The following LRP4 variants were observed in gnomAD, a reference collection of about 807,000 sequenced individuals.
LRP4 encodes the protein low-density lipoprotein receptor-related protein 4.
A neutral mutation model predicts 220.3 loss-of-function variants in LRP4; 95 were observed. The observed-to-expected ratio is 0.43, with a 90% CI of 0.37 to 0.51. The LOEUF (loss-of-function observed/expected upper bound fraction) is 0.51. Ranked by LOEUF, LRP4 falls within the 20% of genes least tolerant of loss-of-function variation. The pLI is 0.00. For missense variants in LRP4, 1,925 were observed against 2,567.0 expected (o/e 0.75, Z 5.40); for synonymous variants, 903 against 954.6 (o/e 0.95, Z 1.00).
At position 46,886,313 on chromosome 11, in the gene LRP4, G is replaced by A. The variant is rs765593279; in HGVS notation, c.2424+12C>T. 1.8e-5 allele frequency: 28 copies of A among 1,585,734 alleles called. No homozygotes were observed. In the East Asian group the frequency reaches 3.4e-4, roughly 20 times the overall value. On this transcript the variant is annotated intron_variant, in intron 17 of 37. Coordinates refer to ENST00000378623, the MANE Select transcript of LRP4 (RefSeq NM_002334.4). ...GGATTCCACCCTTCAACCTCCCCAC[G>A]CTGGGCCCTACCTCCTGTCCTGTTC...
In LRP4 at chr11:46,875,071, A is replaced by G; in HGVS notation, c.3958T>C (p.Cys1320Arg). 6.2e-7 allele frequency: 1 copy of G among 1,612,776 alleles called. No individual in the cohort carries two copies. The highest frequency in any genetic ancestry group is 8.5e-7 in the Non-Finnish European group (1 of 1,179,956). ...GGCCGAGGCAAGCAGAGGTGGGAGCAGCCGCCATTTCTCGAGCCGCACTTG... is the reference window on the plus strand; with the variant it reads ...GGCCGAGGCAAGCAGAGGTGGGAGCGGCCGCCATTTCTCGAGCCGCACTTG... ...FNKCGSRNGG[C>R]SHLCLPRPSG... Residue 1320 changes from cysteine to arginine, a missense_variant, in exon 28 of 38, where the codon TGC (cysteine) becomes CGC (arginine). Physicochemically the swap from Cys to Arg is radical, Grantham distance 180. Around this residue, in one of 3 missense-constraint regions of LRP4, gnomAD observed 1,244 missense variants for 1,624.9 expected, o/e 0.77. Transcript: ENST00000378623. This position sits in a 1 kb window ranked among gnomAD's most constrained non-coding sequence, Gnocchi z 4.5.
At position 46,879,056 on chromosome 11, in the gene LRP4, G is replaced by A. The variant is rs1206629784; in HGVS notation, c.3005-18C>T. 40 of 1,614,180 alleles carry A rather than the reference G, an allele frequency of 2.5e-5. No individual in the cohort carries two copies. The highest frequency in any genetic ancestry group is 3.4e-5 in the Non-Finnish European group (40 of 1,180,014). ...TGTAGACACTGGGTAGAGAGGAGGG[G>A]ATGTTCAATGGGGAGAGCTAGGGCA... On this transcript the variant is annotated intron_variant, in intron 21 of 37. Transcript: ENST00000378623.
chr11:46,898,524 T>C, intron 7 of LRP4, 34 bp downstream of exon 7: 1 of 1,613,522 alleles, frequency 6.2e-7, no homozygotes, highest in Non-Finnish European at 8.5e-7. Flanking sequence ...TTCTCCTTAG[T>C]TCAAGCCCAA....
intron 37 of LRP4, chr11:46,861,047 G>T: frequency 3.0e-6 from 2 of 673,922 alleles, no homozygotes; most frequent in Non-Finnish European, 3.7e-6. Flanking sequence ...TTGCTATCCT[G>T]TGGCCTTCAT....
chr11:46,879,472 C>A (rs1941099154), intron 20 of LRP4, among the ~76,000 whole-genome samples, 157 bp from the exon 21 acceptor site: 1 of 152,220 alleles, frequency 6.6e-6, no homozygotes, highest in Non-Finnish European at 1.5e-5. Context: ...GAGCCTTGCT[C>A]TATCAATCTG....
At position 46,900,107 on chromosome 11, in the gene LRP4, C is replaced by T. The variant is rs796174262; in HGVS notation, c.317-131G>A. ...AGGGCTCCGAAGGAGGTGGCTGCCT[C>T]TCAGCAGCTTATCTGACTTCGAGAG... On this transcript the variant is annotated intron_variant, in intron 3 of 37. Coordinates refer to ENST00000378623, the MANE Select transcript of LRP4 (RefSeq NM_002334.4). 50 of 964,218 alleles carry T rather than the reference C, an allele frequency of 5.2e-5. No individual in the cohort carries two copies. The African/African-American group carries it at 6.9e-4, about 13-fold the overall frequency. The allele number at this position is 964,218 out of a possible 1,614,324, so 59.7% of individuals were successfully genotyped here.
rs1228779891 is a variant in LRP4 at position 46,896,294 on chromosome 11, C to T, written c.964G>A (p.Gly322Arg). The T allele has an allele frequency of 1.2e-6, 2 of 1,614,178 alleles. No individual in the cohort carries two copies. The highest frequency in any genetic ancestry group is 3.3e-5 in the Admixed American group (2 of 60,038). Residue 322 changes from glycine to arginine, a missense_variant, in exon 9 of 38, where the codon GGG becomes AGG. Gly to Arg is a moderately radical substitution (Grantham distance 125). Coordinates refer to ENST00000378623, the MANE Select transcript of LRP4 (RefSeq NM_002334.4). ...CALDQFLCWN[G>R]RCIGQRKLCN... ...AGCTTCCTCTGCCCAATGCAGCGCC[C>T]ATTCCAACACAGGAACTGGTCCAAG...
At position 46,868,614 on chromosome 11, in the gene LRP4, C is replaced by A. The variant is rs3816614; in HGVS notation, c.4937G>T (p.Arg1646Leu). The A allele has an allele frequency of 6.8e-6, 11 of 1,613,434 alleles. No individual in the cohort carries two copies. In the Admixed American group the frequency reaches 1.2e-4, roughly 17 times the overall value. The change falls in exon 33 of 38, where the codon CGG (arginine) becomes CTG (leucine). Residue 1646 changes from arginine (R) to leucine (L), a missense_variant. Physicochemically the swap from Arg to Leu is moderately radical, Grantham distance 102. Around this residue, in one of 3 missense-constraint regions of LRP4, gnomAD observed 1,244 missense variants for 1,624.9 expected, o/e 0.77. Coordinates refer to ENST00000378623, the MANE Select transcript of LRP4 (RefSeq NM_002334.4). The stretch of plus-strand genomic sequence containing the variant: ...GTCCAACTCACCAAGGGAGCAGGGC[C>A]GGCTATCAGGTTCGTCAGGACAGGC... ...VCACPDEPDS[R>L]PCSLVPGLVP... is the part of the protein sequence containing the mutation.
Position 46,894,760 on chromosome 11 carries a change from G to T in LRP4, c.1369C>A (p.Arg457Ser). The change falls in exon 12 of 38, where the codon CGC (arginine) becomes AGC (serine). Residue 457 changes from arginine to serine, a missense_variant. Around this residue, in one of 3 missense-constraint regions of LRP4, gnomAD observed 269 missense variants for 436.7 expected, o/e 0.62. Transcript: ENST00000378623. Reference sequence around the variant, plus strand: ...TTAAGCAGCAGTGTGTACTCAGAGCGGTGTGGCAGCACCTGCCGGATGTCG... The same window carrying T: ...TTAAGCAGCAGTGTGTACTCAGAGCTGTGTGGCAGCACCTGCCGGATGTCG... ...RIDIRQVLPHRSEYTLLLNNL... is the reference protein window; with the variant it reads ...RIDIRQVLPHSSEYTLLLNNL... The T allele has an allele frequency of 6.2e-7, 1 of 1,614,222 alleles. No homozygotes were observed. Among genetic ancestry groups the T allele is most frequent in the Non-Finnish European group, 8.5e-7 (1 of 1,180,034 alleles).
rs531198756 is a variant in LRP4 at position 46,917,398 on chromosome 11, T to G, written c.52+930A>C. On this transcript the variant is annotated intron_variant, in intron 1 of 37. Transcript: ENST00000378623. ...CTGGGCACAAACTAGGGAAAGCTGCTCAATCACGGGGTGCACCCAGGGTCG... is the reference window on the plus strand; with the variant it reads ...CTGGGCACAAACTAGGGAAAGCTGCGCAATCACGGGGTGCACCCAGGGTCG... Among the ~76,000 whole-genome samples the G allele has an allele frequency of 3.9e-5, 6 of 152,208 alleles. No individual in the cohort carries two copies. In the South Asian group the frequency reaches 1.2e-3, roughly 32 times the overall value.
At chr11:46,906,689 G>C (rs572510584) in intron 1 of LRP4, among the ~76,000 whole-genome samples, 1 of 152,162 alleles carries the variant, frequency 6.6e-6, no homozygotes, top group African/African-American at 2.4e-5. Flanking sequence ...CAAATGAAAA[G>C]TCATACTGGT....
intron 1 of LRP4, among the ~76,000 whole-genome samples, chr11:46,915,897 C>G (rs1380670931): frequency 6.6e-6 from 1 of 152,164 alleles, no homozygotes; most frequent in Non-Finnish European, 1.5e-5. Context: ...CAACTGCTGT[C>G]TCCCTGAGCC....
rs1233724478 is a variant in LRP4, at chr11:46,856,751, A to C, written c.*2232T>G. ...AACCTCACACTCTTTATTGCTCTTCACTGTGCCCACATCCACAAAGGACTT... is the reference window on the plus strand; with the variant it reads ...AACCTCACACTCTTTATTGCTCTTCCCTGTGCCCACATCCACAAAGGACTT... On this transcript the variant is annotated 3_prime_UTR_variant, in exon 38 of 38. Coordinates refer to ENST00000378623, the MANE Select transcript of LRP4 (RefSeq NM_002334.4). The surrounding 1 kb of genome is among the most constrained non-coding windows in gnomAD (Gnocchi z 4.1). The C allele has an allele frequency of 6.6e-6, 1 of 152,374 alleles. No homozygotes were observed. The highest frequency in any genetic ancestry group is 2.4e-5 in the African/African-American group (1 of 41,466). 9.4% of individuals were successfully genotyped at this position (152,374 alleles called of 1,614,324 possible). A position where few individuals can be genotyped will look rare whatever the true frequency, so the allele number is the denominator to read the frequency against.
chr11:46,900,076 G>T (rs1941633973), intron 3 of LRP4, 100 bp from the exon 4 acceptor site: 1 of 1,055,674 alleles, frequency 9.5e-7, no homozygotes, highest in Non-Finnish European at 1.5e-6. Flanking sequence ...CTCCAGTGCT[G>T]CCCTGAGGGC....
intron 1 of LRP4, among the ~76,000 whole-genome samples, chr11:46,908,973 G>A (rs1451689212): frequency 6.6e-6 from 1 of 152,366 alleles, no homozygotes; most frequent in East Asian, 1.9e-4. Context: ...AAGGTCACAA[G>A]GTAAGTAGGA....
chr11:46,884,548 A>G (rs180681740), intron 18 of LRP4, among the ~76,000 whole-genome samples: 104 of 152,146 alleles, frequency 6.8e-4, no homozygotes, highest in Non-Finnish European at 1.2e-3. Flanking sequence ...CATCCTGGCT[A>G]ACATGGTGAA....
At chr11:46,885,999 G>A (rs1941285362) in intron 18 of LRP4, 92 bp downstream of exon 18, 1 of 1,082,482 alleles carries the variant, frequency 9.2e-7, no homozygotes, top group Non-Finnish European at 1.4e-6. Context: ...AAGTGGTCCA[G>A]GAGAGACACT....
chr11:46,890,552 A>G lies in LRP4; in HGVS notation c.1698-58T>C. 8.3e-7 allele frequency: 1 copy of G among 1,203,276 alleles called. No individual in the cohort carries two copies. The highest frequency in any genetic ancestry group is 1.2e-6 in the Non-Finnish European group (1 of 818,934). 74.5% of individuals were successfully genotyped at this position (1,203,276 alleles called of 1,614,324 possible). A position where few individuals can be genotyped will look rare whatever the true frequency, so the allele number is the denominator to read the frequency against. On this transcript the variant is annotated intron_variant, in intron 13 of 37. Transcript: ENST00000378623. The surrounding 1 kb of genome is among the most constrained non-coding windows in gnomAD (Gnocchi z 5.3). ...AGCAGAAAACAGGTAGGTAACCAGG[A>G]GAATAATCAGGTAGGGCGCTTTTAT... is the stretch of plus-strand genomic sequence containing the variant.
At chr11:46,895,023 T>A in intron 11 of LRP4, 143 bp downstream of exon 11, 1 of 1,273,976 alleles carries the variant, frequency 7.8e-7, no homozygotes, top group Non-Finnish European at 1.1e-6. Context: ...AGCATTTTTC[T>A]TGGGGCTCAG....
Sources: allele counts gnomAD v4.1 joint callset (sites outside exome capture counted in the v4.1 genomes callset), GRCh38; gene constraint gnomAD v4.1.1; regional missense constraint gnomAD v4.1.1; non-coding constraint Gnocchi (gnomAD v3.1); transcripts MANE v1.5; gene names NCBI Gene and HGNC (gene_info 2026-07-23, HGNC 2026-07-21).